BCAT1: variants seen among roughly 807,000 people sequenced by gnomAD.
BCAT1 encodes branched-chain-amino-acid aminotransferase, cytosolic.
In BCAT1, 48 loss-of-function variants were observed where a neutral mutation model predicts 52.4. The ratio of observed to expected loss-of-function variants is 0.92; its 90% CI spans 0.73 to 1.16. BCAT1 has a LOEUF of 1.16. BCAT1 is among the 50% of genes most tolerant of loss of function. The probability of loss-of-function intolerance (pLI) is 0.00; values close to 1 mark genes in which losing one functional copy is unlikely to be tolerated. For synonymous variants in BCAT1, 167 were observed against 161.3 expected (o/e 1.04, Z -0.27); for missense variants, 451 against 457.1 (o/e 0.99, Z 0.12).
intron 5 of BCAT1, among the ~76,000 whole-genome samples, chr12:24,867,178 C>T (rs897419701): frequency 1.1e-4 from 16 of 151,884 alleles, no homozygotes; most frequent in African/African-American, 2.9e-4. Context: ...GAAGAAACTC[C>T]GAACACATCT....
intron 3 of BCAT1, among the ~76,000 whole-genome samples, chr12:24,889,524 T>A (rs12817139): frequency 0.019 from 2,931 of 152,372 alleles, 38 homozygotes; most frequent in Non-Finnish European, 0.03. Context: ...GTAACCATCA[T>A]GACTGATAAG....
intron 3 of BCAT1, among the ~76,000 whole-genome samples, chr12:24,893,377 A>T (rs1324389608): frequency 2.0e-5 from 3 of 152,208 alleles, no homozygotes; most frequent in Non-Finnish European, 4.4e-5. Context: ...AGATAAAGAA[A>T]TTAAAGCACA....
At chr12:24,924,746 T>C (rs1228276757) in intron 1 of BCAT1, among the ~76,000 whole-genome samples, 1 of 152,028 alleles carries the variant, frequency 6.6e-6, no homozygotes, top group East Asian at 1.9e-4. Flanking sequence ...AACAAACACA[T>C]TTTGAGGTCA....
chr12:24,869,579 A>G (rs1942122390), intron 5 of BCAT1, among the ~76,000 whole-genome samples: 1 of 152,248 alleles, frequency 6.6e-6, no homozygotes, highest in African/African-American at 2.4e-5. Flanking sequence ...AGTGAAATAT[A>G]CATACACCCT....
At position 24,815,047 on chromosome 12, in the gene BCAT1, G is replaced by A. The variant is rs187300846; in HGVS notation, c.*2961C>T. On this transcript the variant is annotated 3_prime_UTR_variant, in exon 11 of 11. Transcript: ENST00000261192. ...CTCTGAAGTCAACTCTTCTTTTGGT[G>A]TATCACGAGTTGAATCCTTAATAAA... The A allele has an allele frequency of 1.3e-4, 20 of 152,196 alleles. No individual in the cohort carries two copies. The highest frequency in any genetic ancestry group is 4.6e-4 in the Admixed American group (7 of 15,286). The allele number at this position is 152,196 out of a possible 1,614,324, so 9.4% of individuals were successfully genotyped here.
At chr12:24,895,073 G>T (rs2139655067) in intron 2 of BCAT1, among the ~76,000 whole-genome samples, 1 of 152,264 alleles carries the variant, frequency 6.6e-6, no homozygotes, top group South Asian at 2.1e-4. Flanking sequence ...TCTGTGTGGA[G>T]GAAACAGTGA....
intron 10 of BCAT1, among the ~76,000 whole-genome samples, chr12:24,821,304 T>A (rs747763383): frequency 5.3e-5 from 8 of 152,212 alleles, no homozygotes; most frequent in Admixed American, 3.9e-4. Flanking sequence ...CCTGCTCCTA[T>A]CTCATTCAAG....
intron 1 of BCAT1, among the ~76,000 whole-genome samples, chr12:24,928,137 GAAGTT>G (rs1052498601): frequency 2.0e-5 from 3 of 152,346 alleles, no homozygotes; most frequent in African/African-American, 4.8e-5. Context: ...TGCCAAGGGA[GAAGTT>G]AAGTACTGGA....
At chr12:24,926,400 C>T (rs1336887409) in intron 1 of BCAT1, among the ~76,000 whole-genome samples, 3 of 151,832 alleles carry the variant, frequency 2.0e-5, no homozygotes, top group African/African-American at 4.8e-5. Context: ...CTCTGCCAGG[C>T]CACCCCTTCT....
In BCAT1 at chr12:24,891,282, G is replaced by T. The variant is rs148526120; in HGVS notation, c.279+2993C>A. On this transcript the variant is annotated intron_variant, in intron 3 of 10. Coordinates refer to ENST00000261192, the MANE Select transcript of BCAT1 (RefSeq NM_005504.7). ...CTCCTTGAGTTTTGCAGCCCAGATG[G>T]CAATGAAAGTGACCTCTGGTCATCC... 2.0e-4 allele frequency among the ~76,000 whole-genome samples: 30 copies of T among 152,160 alleles called. No homozygotes were observed. In the East Asian group the frequency reaches 5.6e-3, roughly 28 times the overall value.
intron 1 of BCAT1, 143 bp from the exon 2 acceptor site, chr12:24,902,028 C>T (rs1943118524): frequency 1.3e-6 from 2 of 1,565,300 alleles, no homozygotes; most frequent in South Asian, 1.2e-5. Flanking sequence ...GACAACCAAG[C>T]ACCCAGGCCC....
At chr12:24,866,356 T>C (rs961404363) in intron 5 of BCAT1, among the ~76,000 whole-genome samples, 7 of 152,140 alleles carry the variant, frequency 4.6e-5, no homozygotes, top group African/African-American at 1.4e-4. Flanking sequence ...ACCTGCAGCC[T>C]GCCATGCCTG....
intron 1 of BCAT1, among the ~76,000 whole-genome samples, chr12:24,925,715 G>T (rs1199501885): frequency 6.6e-6 from 1 of 152,044 alleles, no homozygotes; most frequent in East Asian, 1.9e-4. Context: ...TCAGCCTGCC[G>T]AGTGCCTGTG....
chr12:24,945,759 G>A (rs1943925737), intron 1 of BCAT1: 1 of 152,188 alleles, frequency 6.6e-6, no homozygotes, highest in Non-Finnish European at 1.5e-5. Context: ...AGGAGGCAGA[G>A]GTTGCAGTGA....
At chr12:24,868,466 A>G (rs1400124905) in intron 5 of BCAT1, among the ~76,000 whole-genome samples, 1 of 152,238 alleles carries the variant, frequency 6.6e-6, no homozygotes, top group Non-Finnish European at 1.5e-5. Context: ...AAAGGAAGGT[A>G]CAGATAGAGA....
chr12:24,844,846 G>T (rs1453237831), intron 6 of BCAT1, among the ~76,000 whole-genome samples: 2 of 133,304 alleles, frequency 1.5e-5, no homozygotes, highest in African/African-American at 5.6e-5. Flanking sequence ...GCAGTGAGCC[G>T]AGATCGCGCC....
At chr12:24,852,551 TC>T (rs1325745722) in intron 5 of BCAT1, among the ~76,000 whole-genome samples, 4 of 152,218 alleles carry the variant, frequency 2.6e-5, no homozygotes, top group Middle Eastern at 3.2e-3. Flanking sequence ...GAAATAAATT[TC>T]CCCTGGTTCA....
intron 1 of BCAT1, among the ~76,000 whole-genome samples, chr12:24,941,829 T>C (rs893933983): frequency 6.6e-6 from 1 of 152,180 alleles, no homozygotes; most frequent in Non-Finnish European, 1.5e-5. Flanking sequence ...TCTCACAAGG[T>C]GTCTGGGGAG....
At chr12:24,820,260 T>A (rs928379371) in intron 10 of BCAT1, among the ~76,000 whole-genome samples, 1 of 152,180 alleles carries the variant, frequency 6.6e-6, no homozygotes, top group African/African-American at 2.4e-5. Flanking sequence ...TTATGTAAAA[T>A]CATAGCATTC....
Sources: gnomAD v4.1 joint callset for allele counts (sites outside exome capture counted in the v4.1 genomes callset) on GRCh38, gnomAD v4.1.1 for gene constraint, MANE v1.5 for transcripts, NCBI Gene and HGNC (gene_info 2026-07-23, HGNC 2026-07-21) for gene names.